Variants in RIN3 observed in about 807,000 individuals in gnomAD.
RIN3 encodes the protein RAB5 interacting protein 3.
A neutral mutation model predicts 76.3 loss-of-function variants in RIN3; 54 were observed. The observed-to-expected ratio is 0.71, with a 90% confidence interval of 0.57 to 0.89. The LOEUF (loss-of-function observed/expected upper bound fraction) is 0.89. Ranked by LOEUF, RIN3 falls within the 40% of genes least tolerant of loss-of-function variation. The pLI is 0.00. For synonymous variants in RIN3, 576 were observed against 564.0 expected, an observed-to-expected ratio of 1.02 and a Z score of -0.30; for missense variants, 1,256 against 1,322.1, an observed-to-expected ratio of 0.95 and a Z score of 0.78.
chr14:92,550,606 A>G (rs1243534212), intron 1 of RIN3, among the ~76,000 whole-genome samples: 1 of 152,076 alleles, frequency 6.6e-6, no homozygotes, highest in Non-Finnish European at 1.5e-5. Context: ...TTTTGTAGAG[A>G]TGTGGTCTCA....
intron 4 of RIN3, among the ~76,000 whole-genome samples, chr14:92,633,307 C>T (rs1886656613): frequency 6.6e-6 from 1 of 152,172 alleles, no homozygotes; most frequent in Non-Finnish European, 1.5e-5. Flanking sequence ...GCCCTGGGCA[C>T]TGCAGTCATT....
rs1886063025 is a variant in RIN3, at chr14:92,618,781, CACT to C, written c.440+3305_440+3307del. Among the ~76,000 whole-genome samples the C allele has an allele frequency of 2.0e-5, 3 of 152,116 alleles. No homozygotes were observed. In the South Asian group the frequency reaches 6.2e-4, roughly 32 times the overall value. ...TAAACAATTTCAGTAATTTGTAAGC[CACT>C]ACATCAATGTATTCAATTTGGATCA... On this transcript the variant is annotated intron_variant, in intron 4 of 9. Transcript: ENST00000216487.
intron 4 of RIN3, among the ~76,000 whole-genome samples, chr14:92,639,162 G>A (rs8017636): frequency 3.4e-4 from 52 of 152,326 alleles, no homozygotes; most frequent in African/African-American, 8.2e-4. Context: ...GCCCAGACCC[G>A]TTCCAGGAGC....
chr14:92,661,387 A>G (rs1428646018), intron 7 of RIN3, among the ~76,000 whole-genome samples: 1 of 152,158 alleles, frequency 6.6e-6, no homozygotes, highest in Admixed American at 6.5e-5. Flanking sequence ...TTGGAGTCAC[A>G]TTTTTGTGGT....
rs929618716 is a variant in RIN3 at position 92,681,191 on chromosome 14, G to A, written c.2468-3796G>A. ...GGGGCAGTGGGTTTTTCCAATCAAC[G>A]CATTCGCCCCAGAGAGAAAAGCCTG... is the stretch of plus-strand genomic sequence containing the variant. On this transcript the variant is annotated intron_variant, in intron 8 of 9. Transcript: ENST00000216487. The surrounding 1 kb of genome is among the most constrained non-coding windows in gnomAD (Gnocchi z 4.7). Among the ~76,000 whole-genome samples the A allele has an allele frequency of 6.6e-6, 1 of 152,160 alleles. No individual in the cohort carries two copies. The highest frequency in any genetic ancestry group is 1.9e-4 in the East Asian group (1 of 5,192).
intron 4 of RIN3, among the ~76,000 whole-genome samples, chr14:92,630,262 G>A (rs973605324): frequency 2.4e-4 from 37 of 152,150 alleles, no homozygotes; most frequent in East Asian, 1.9e-3. Context: ...AGGCCGAGGC[G>A]GGTGGATCAC....
At position 92,537,634 on chromosome 14, in the gene RIN3, C is replaced by CTTTTTTTTTTTTTTT. The variant is rs576683908; in HGVS notation, c.45-18104_45-18090dup. Among the ~76,000 whole-genome samples, 82 of 51,640 alleles carry CTTTTTTTTTTTTTTT rather than the reference C, an allele frequency of 1.6e-3. 5 individuals are homozygous for CTTTTTTTTTTTTTTT. The highest frequency in any genetic ancestry group is 1.9e-3 in the Non-Finnish European group (57 of 29,560). The allele number at this position is 51,640 out of a possible 152,430, so 33.9% of individuals were successfully genotyped here. ...CAGCTATAAGTGAGTGCCTTAGGGACTTTTTTTTTTTTTTTTTTTTTTTTT... is the reference window on the plus strand; with the variant it reads ...CAGCTATAAGTGAGTGCCTTAGGGACTTTTTTTTTTTTTTTTTTTTTTTTTTTTTTTTTTTTTTTT... On this transcript the variant is annotated intron_variant, in intron 1 of 9. Transcript: ENST00000216487.
intron 7 of RIN3, among the ~76,000 whole-genome samples, chr14:92,665,659 G>T (rs1023783300): frequency 7.2e-5 from 11 of 152,192 alleles, no homozygotes; most frequent in Admixed American, 3.3e-4. Context: ...GGGATTACAA[G>T]CGTGAGCCAC....
intron 6 of RIN3, among the ~76,000 whole-genome samples, chr14:92,654,009 C>T (rs1887569849): frequency 6.6e-6 from 1 of 151,746 alleles, no homozygotes; most frequent in African/African-American, 2.4e-5. Context: ...CAGAGCGAAA[C>T]CCTGTCTCAA....
intron 1 of RIN3, chr14:92,515,363 AG>A: frequency 1.5e-6 from 1 of 654,376 alleles, no homozygotes; most frequent in Middle Eastern, 2.9e-4. Context: ...GTGAGGGGCC[AG>A]GGCGCTGGCC....
At chr14:92,618,596 G>A (rs1886057944) in intron 4 of RIN3, among the ~76,000 whole-genome samples, 1 of 152,230 alleles carries the variant, frequency 6.6e-6, no homozygotes, top group Non-Finnish European at 1.5e-5. Flanking sequence ...TATAACATCA[G>A]CCCTCTTGCA....
intron 4 of RIN3, among the ~76,000 whole-genome samples, chr14:92,627,681 T>A (rs1041746792): frequency 1.3e-5 from 2 of 152,202 alleles, no homozygotes; most frequent in Non-Finnish European, 2.9e-5. Context: ...GGTTTATTCG[T>A]CACAGTGGGT....
At chr14:92,654,806 G>T (rs1043852221) in intron 6 of RIN3, among the ~76,000 whole-genome samples, 1 of 152,206 alleles carries the variant, frequency 6.6e-6, no homozygotes, top group Admixed American at 6.5e-5. Flanking sequence ...AGACAGAGGT[G>T]AGCAAAGCAC....
At chr14:92,570,107 G>A (rs1397125068) in intron 2 of RIN3, among the ~76,000 whole-genome samples, 2 of 152,198 alleles carry the variant, frequency 1.3e-5, no homozygotes, top group African/African-American at 2.4e-5. Flanking sequence ...TCCCCTGCAC[G>A]TGCAACACAA....
intron 1 of RIN3, among the ~76,000 whole-genome samples, chr14:92,539,627 G>A (rs1050852808): frequency 6.6e-6 from 1 of 152,188 alleles, no homozygotes; most frequent in Non-Finnish European, 1.5e-5. Flanking sequence ...GGAGTGGACA[G>A]ACCTGCCCAG....
chr14:92,626,014 A>G lies in RIN3; in HGVS notation c.440+10535A>G, dbSNP rs148838514. On this transcript the variant is annotated intron_variant, in intron 4 of 9. Transcript: ENST00000216487. ...TGCCCAAGAGGGTCTTCTGGATCCA[A>G]ATCTGCATATTTCCTTATTTGTTCC... Among the ~76,000 whole-genome samples, 5 of 152,280 alleles carry G rather than the reference A, an allele frequency of 3.3e-5. No individual in the cohort carries two copies. The East Asian group carries it at 9.6e-4, about 29-fold the overall frequency.
chr14:92,617,254 C>G (rs968723427), intron 4 of RIN3, among the ~76,000 whole-genome samples: 1 of 151,992 alleles, frequency 6.6e-6, no homozygotes, highest in Non-Finnish European at 1.5e-5. Context: ...GAACCAAGAT[C>G]GTACCATTGC....
intron 1 of RIN3, among the ~76,000 whole-genome samples, chr14:92,533,802 A>T (rs1896935554): frequency 6.6e-6 from 1 of 152,214 alleles, no homozygotes; most frequent in Admixed American, 6.5e-5. Flanking sequence ...CCAAAATCTC[A>T]GAAATCACCA....
intron 3 of RIN3, among the ~76,000 whole-genome samples, chr14:92,604,607 C>T (rs1362015035): frequency 1.3e-5 from 2 of 152,226 alleles, no homozygotes; most frequent in Middle Eastern, 3.4e-3. Flanking sequence ...TCCCCGATAA[C>T]AATTTCCTCC....
Sources: allele counts gnomAD v4.1 joint callset (sites outside exome capture counted in the v4.1 genomes callset), GRCh38; gene constraint gnomAD v4.1.1; non-coding constraint Gnocchi (gnomAD v3.1); transcripts MANE v1.5; gene names NCBI Gene and HGNC (gene_info 2026-07-23, HGNC 2026-07-21).